ZNF341: variants seen among roughly 807,000 people sequenced by gnomAD.
ZNF341 encodes zinc finger protein 341.
In ZNF341, 52 loss-of-function variants were observed where a neutral mutation model predicts 87.7. That is an observed-to-expected ratio of 0.59 (90% confidence interval 0.47 to 0.75). The LOEUF is 0.75. Among genes scored for constraint, ZNF341 ranks in the 30% least tolerant of loss-of-function variants. ZNF341 has a pLI of 0.00. For synonymous variants in ZNF341, 459 were observed against 472.7 expected, an observed-to-expected ratio of 0.97 and a Z score of 0.38; for missense variants, 977 against 1,145.9, an observed-to-expected ratio of 0.85 and a Z score of 2.13.
intron 14 of ZNF341, among the ~76,000 whole-genome samples, chr20:33,790,145 C>T (rs1476259367): frequency 1.3e-5 from 2 of 150,938 alleles, no homozygotes; most frequent in Non-Finnish European, 2.9e-5. Flanking sequence ...GATCTTGGCT[C>T]ATTGCAACCT....
rs1386909602 is a variant in ZNF341 at position 33,776,841 on chromosome 20, G to A, written c.1623-4450G>A. Reference sequence around the variant, plus strand: ...GGTAAATTTGTTTGTTTGTTTGTTTGTAGAGACAGGGTCTTACTGTGTTGC... The same window carrying A: ...GGTAAATTTGTTTGTTTGTTTGTTTATAGAGACAGGGTCTTACTGTGTTGC... On this transcript the variant is annotated intron_variant, in intron 10 of 14. Coordinates refer to ENST00000375200, the MANE Select transcript of ZNF341 (RefSeq NM_001282933.2). 4.6e-5 allele frequency among the ~76,000 whole-genome samples: 7 copies of A among 151,810 alleles called. No individual in the cohort carries two copies. In the East Asian group the frequency reaches 1.4e-3, roughly 30 times the overall value.
intron 8 of ZNF341, 65 bp downstream of exon 8, chr20:33,762,120 G>A (rs2019308633): frequency 6.9e-7 from 1 of 1,450,302 alleles, no homozygotes; most frequent in Non-Finnish European, 9.3e-7. Context: ...AGGTTTTATT[G>A]CTAGCTGTGT....
chr20:33,781,252 T>C (rs2019736768), intron 10 of ZNF341, 39 bp from the exon 11 acceptor site: 1 of 1,544,312 alleles, frequency 6.5e-7, no homozygotes, highest in Non-Finnish European at 9.0e-7. Flanking sequence ...CTATGCCTGC[T>C]GTGTTTCCTC....
At chr20:33,785,560 C>T (rs2019837421) in intron 12 of ZNF341, among the ~76,000 whole-genome samples, 1 of 152,132 alleles carries the variant, frequency 6.6e-6, no homozygotes, top group African/African-American at 2.4e-5. Context: ...TGGTCTCAAA[C>T]TCCTGGCCTC....
In ZNF341 at chr20:33,740,797, C is replaced by T. The variant is rs1025260855; in HGVS notation, c.32-105C>T. 3.5e-5 allele frequency: 34 copies of T among 976,470 alleles called. No homozygotes were observed. In the Admixed American group the frequency reaches 4.7e-4, roughly 13 times the overall value. 60.5% of individuals were successfully genotyped at this position (976,470 alleles called of 1,614,324 possible). A position where few individuals can be genotyped will look rare whatever the true frequency, so the allele number is the denominator to read the frequency against. On this transcript the variant is annotated intron_variant, in intron 1 of 14. Coordinates refer to ENST00000375200, the MANE Select transcript of ZNF341 (RefSeq NM_001282933.2). Reference sequence around the variant, plus strand: ...TGCTGGGATTACAGGTCTGAGCCACCGTACCCAGCCGCCACAGGGGTTTTG... The same window carrying T: ...TGCTGGGATTACAGGTCTGAGCCACTGTACCCAGCCGCCACAGGGGTTTTG...
At position 33,732,241 on chromosome 20, in the gene ZNF341, G is replaced by A. The variant is rs977376020; in HGVS notation, c.31+189G>A. Among the ~76,000 whole-genome samples the A allele has an allele frequency of 7.3e-5, 11 of 150,260 alleles. No individual in the cohort carries two copies. The East Asian group carries it at 1.2e-3, about 16-fold the overall frequency. On this transcript the variant is annotated intron_variant, in intron 1 of 14. Coordinates refer to ENST00000375200, the MANE Select transcript of ZNF341 (RefSeq NM_001282933.2). This position sits in a 1 kb window ranked among gnomAD's most constrained non-coding sequence, Gnocchi z 4.5. ...GCCGAGGCCCGGCGGGGGAGCTCCG[G>A]GGCCGGAACAGCCGGGGAGAGCCAG...
chr20:33,764,280 G>T (rs1240909035), intron 8 of ZNF341, among the ~76,000 whole-genome samples: 1 of 150,288 alleles, frequency 6.7e-6, no homozygotes, highest in Admixed American at 6.6e-5. Flanking sequence ...ACTCACCTCG[G>T]CCTCCCAAAG....
intron 10 of ZNF341, among the ~76,000 whole-genome samples, chr20:33,775,029 T>G (rs536396827): frequency 6.6e-6 from 1 of 152,188 alleles, no homozygotes. Flanking sequence ...AAACAGCTAC[T>G]TTGTATTCCA....
chr20:33,774,277 C>CAG (rs1034319742), intron 10 of ZNF341, among the ~76,000 whole-genome samples: 8 of 151,884 alleles, frequency 5.3e-5, no homozygotes, highest in East Asian at 1.9e-4. Context: ...GCCTGGGTGA[C>CAG]AGAGAGAGAG....
rs1352191778 is a variant in ZNF341, at chr20:33,732,952, G to A, written c.31+900G>A. Among the ~76,000 whole-genome samples the A allele has an allele frequency of 2.6e-5, 4 of 152,206 alleles. No individual in the cohort carries two copies. The highest frequency in any genetic ancestry group is 9.6e-5 in the African/African-American group (4 of 41,452). On this transcript the variant is annotated intron_variant, in intron 1 of 14. Transcript: ENST00000375200. The surrounding 1 kb of genome is among the most constrained non-coding windows in gnomAD (Gnocchi z 4.5). ...GTCTTGGAGGAGTGGGATGAGATGA[G>A]TATACAGATAGGGTGCAAACTCGAA...
At position 33,783,788 on chromosome 20, in the gene ZNF341, C is replaced by T. The variant is rs766576593; in HGVS notation, c.1776C>T (p.Gly592=). The change falls in exon 12 of 15, where the codon GGC becomes GGT. Residue 592 remains glycine (G), a synonymous_variant. Transcript: ENST00000375200. ...ATCTGCCCACCCACGGCAGCGGGGG[C>T]AGGTTCAAGTGCCAAGTGTGCAAGA... ...RRHLPTHGSG[G]RFKCQVCKKF... 46 of 1,613,664 alleles carry T rather than the reference C, an allele frequency of 2.9e-5. No individual in the cohort carries two copies. The highest frequency in any genetic ancestry group is 3.6e-5 in the Non-Finnish European group (43 of 1,179,884).
At chr20:33,741,698 C>T (rs1282882707) in intron 2 of ZNF341, among the ~76,000 whole-genome samples, 3 of 152,248 alleles carry the variant, frequency 2.0e-5, no homozygotes, top group African/African-American at 4.8e-5. Flanking sequence ...AGCCACTGCA[C>T]CTGGCCTGTA....
At chr20:33,782,262 A>G (rs921607057) in intron 11 of ZNF341, among the ~76,000 whole-genome samples, 1 of 152,240 alleles carries the variant, frequency 6.6e-6, no homozygotes, top group East Asian at 1.9e-4. Flanking sequence ...ATTGATTGAC[A>G]TAACAAAAGC....
At chr20:33,765,375 T>C (rs944026701) in intron 8 of ZNF341, among the ~76,000 whole-genome samples, 1 of 151,800 alleles carries the variant, frequency 6.6e-6, no homozygotes, top group Non-Finnish European at 1.5e-5. Flanking sequence ...CTTTTTTTTT[T>C]CTTTAAAAAA....
chr20:33,776,948 T>G (rs1197487575), intron 10 of ZNF341, among the ~76,000 whole-genome samples: 1 of 151,112 alleles, frequency 6.6e-6, no homozygotes, highest in Non-Finnish European at 1.5e-5. Context: ...GCGTAAGCCA[T>G]CACACCTGGC....
At chr20:33,789,038 G>T in intron 13 of ZNF341, 64 bp downstream of exon 13, 3 of 1,347,172 alleles carry the variant, frequency 2.2e-6, no homozygotes, top group Non-Finnish European at 3.1e-6. Flanking sequence ...GTGCTGCTGG[G>T]GAGGGTGGGA....
intron 4 of ZNF341, among the ~76,000 whole-genome samples, chr20:33,752,801 G>A (rs1287415680): frequency 2.0e-5 from 3 of 151,646 alleles, no homozygotes; most frequent in East Asian, 1.9e-4. Flanking sequence ...ACAGGCGCCC[G>A]CCACCACGCC....
chr20:33,747,593 C>T (rs1244870096), intron 3 of ZNF341, among the ~76,000 whole-genome samples: 16 of 97,206 alleles, frequency 1.6e-4, no homozygotes, highest in East Asian at 9.7e-4. Context: ...CCAGCCTGGG[C>T]GACAGAGCGA....
At chr20:33,746,997 C>G (rs1370108285) in intron 3 of ZNF341, among the ~76,000 whole-genome samples, 2 of 152,194 alleles carry the variant, frequency 1.3e-5, no homozygotes, top group South Asian at 2.1e-4. Flanking sequence ...TGTAGATTTC[C>G]AAGTCCGGAG....
Sources: allele counts gnomAD v4.1 joint callset (sites outside exome capture counted in the v4.1 genomes callset), GRCh38; gene constraint gnomAD v4.1.1; non-coding constraint Gnocchi (gnomAD v3.1); transcripts MANE v1.5; gene names NCBI Gene and HGNC (gene_info 2026-07-23, HGNC 2026-07-21).